The following ABCC9 variants were observed in gnomAD, a reference collection of about 807,000 sequenced individuals.
The protein encoded by ABCC9 is ATP-binding cassette sub-family C member 9.
A neutral mutation model predicts 188.3 loss-of-function variants in ABCC9; 95 were observed. The observed-to-expected ratio is 0.50, with a 90% CI of 0.43 to 0.60. ABCC9 has a LOEUF of 0.60. Ranked by LOEUF, ABCC9 falls within the 20% of genes least tolerant of loss-of-function variation. The pLI, the probability that ABCC9 is intolerant of heterozygous loss-of-function variation, is 0.00. For synonymous variants in ABCC9, 659 were observed against 652.7 expected (o/e 1.01, Z -0.15); for missense variants, 1,102 against 1,876.3 (o/e 0.59, Z 7.62).
intron 34 of ABCC9, 55 bp downstream of exon 34, chr12:21,815,705 AAGC>A: frequency 1.2e-6 from 2 of 1,600,796 alleles, no homozygotes; most frequent in South Asian, 2.2e-5. Flanking sequence ...GGTAGTAAAA[AAGC>A]AGACTCCCTC....
chr12:21,913,743 T>A (rs542161074), intron 7 of ABCC9, among the ~76,000 whole-genome samples: 1 of 152,276 alleles, frequency 6.6e-6, no homozygotes, highest in Admixed American at 6.5e-5. Flanking sequence ...TTGTTGTAAA[T>A]AAAATTTTAA....
intron 15 of ABCC9, among the ~76,000 whole-genome samples, chr12:21,884,185 C>T (rs1417152504): frequency 1.3e-5 from 2 of 151,934 alleles, no homozygotes; most frequent in African/African-American, 2.4e-5. Flanking sequence ...GATCCTCCCA[C>T]CTCAGCCTCC....
At chr12:21,882,151 T>C (rs1042386334) in intron 16 of ABCC9, among the ~76,000 whole-genome samples, 1 of 152,096 alleles carries the variant, frequency 6.6e-6, no homozygotes, top group African/African-American at 2.4e-5. Flanking sequence ...ATGCAGCCAG[T>C]TTGCTAAGTT....
Position 21,911,998 on chromosome 12 carries a change from T to TA in ABCC9, c.1011+873dup, listed in dbSNP as rs1262532150. On this transcript the variant is annotated intron_variant, in intron 8 of 39. Transcript: ENST00000261200. ...AGCTTACAACCTAGGAAGATAAACA[T>TA]ATCTCTAAGTAACAGGCTTCAGTAA... 2.0e-5 allele frequency among the ~76,000 whole-genome samples: 3 copies of TA among 151,968 alleles called. No individual in the cohort carries two copies. In the East Asian group the frequency reaches 5.8e-4, roughly 29 times the overall value.
At chr12:21,844,223 T>G (rs1381033068) in intron 28 of ABCC9, among the ~76,000 whole-genome samples, 1 of 152,148 alleles carries the variant, frequency 6.6e-6, no homozygotes, top group Non-Finnish European at 1.5e-5. Flanking sequence ...AATCAAAAAT[T>G]TTAAATGTTC....
intron 7 of ABCC9, among the ~76,000 whole-genome samples, chr12:21,914,142 A>T (rs934878659): frequency 1.3e-5 from 2 of 152,212 alleles, no homozygotes; most frequent in Non-Finnish European, 2.9e-5. Context: ...GATTATTTTC[A>T]TCATTTACCA....
intron 39 of ABCC9, 98 bp downstream of exon 39, chr12:21,805,900 C>G: frequency 8.9e-7 from 1 of 1,120,350 alleles, no homozygotes; most frequent in African/African-American, 1.5e-5. Context: ...CAGAGAAATA[C>G]ATAATTCAAC....
chr12:21,901,894 A>G (rs1485909724), intron 12 of ABCC9, among the ~76,000 whole-genome samples: 2 of 152,178 alleles, frequency 1.3e-5, no homozygotes, highest in African/African-American at 4.8e-5. Context: ...AGACAGATCA[A>G]CAAGACAGAA....
rs1003519873 is a variant in ABCC9, at chr12:21,860,094, A to AT, written c.2425-429_2425-428insA. On this transcript the variant is annotated intron_variant, in intron 21 of 39. Coordinates refer to ENST00000261200, the MANE Select transcript of ABCC9 (RefSeq NM_020297.4). ...TAATAAAGTACCACTTACACTTTAA[A>AT]AAAAAAACTAGTATTAATTGACCTC... 1.4e-4 allele frequency among the ~76,000 whole-genome samples: 21 copies of AT among 151,958 alleles called. No individual in the cohort carries two copies. The South Asian group carries it at 3.1e-3, about 23-fold the overall frequency.
chr12:21,857,440 CATA>C (rs1945282054), intron 22 of ABCC9, among the ~76,000 whole-genome samples: 1 of 152,010 alleles, frequency 6.6e-6, no homozygotes, highest in South Asian at 2.1e-4. Flanking sequence ...ATCTCAATAC[CATA>C]ATAACTTTCC....
intron 35 of ABCC9, among the ~76,000 whole-genome samples, chr12:21,812,408 A>G (rs541946958): frequency 1.3e-5 from 2 of 152,294 alleles, no homozygotes; most frequent in African/African-American, 4.8e-5. Flanking sequence ...ACTTATGTTT[A>G]TGGCAGCACT....
rs1302570570 is a variant in ABCC9, at chr12:21,861,230, C to A, written c.2340-175G>T. On this transcript the variant is annotated intron_variant, in intron 20 of 39. Transcript: ENST00000261200. ...AGATACATAAGTACTACTTCCCCCC[C>A]CTTTTTTTTTTTTTTTTGAAGACAG... is the stretch of plus-strand genomic sequence containing the variant. 0.55 allele frequency among the ~76,000 whole-genome samples: 79,882 copies of A among 145,952 alleles called. 22,570 individuals carry two copies. Among genetic ancestry groups the A allele is most frequent in the East Asian group, 0.7 (3,444 of 4,954 alleles).
chr12:21,807,832 G>T (rs1941962312), intron 37 of ABCC9, among the ~76,000 whole-genome samples: 1 of 152,154 alleles, frequency 6.6e-6, no homozygotes, highest in Admixed American at 6.6e-5. Context: ...CTTGCCCAAA[G>T]TCACATTTAG....
intron 24 of ABCC9, among the ~76,000 whole-genome samples, 177 bp from the exon 25 acceptor site, chr12:21,848,423 C>T (rs1944795899): frequency 6.6e-6 from 1 of 152,166 alleles, no homozygotes; most frequent in African/African-American, 2.4e-5. Context: ...GAACCTTAGA[C>T]TTGTAGTAAG....
intron 7 of ABCC9, among the ~76,000 whole-genome samples, 192 bp downstream of exon 7, chr12:21,915,472 GTATA>G (rs375465648): frequency 6.8e-5 from 1 of 14,784 alleles, no homozygotes; most frequent in African/African-American, 2.6e-4. Context: ...ATATGTGTGT[GTATA>G]TATGTGTGTG....
intron 28 of ABCC9, among the ~76,000 whole-genome samples, chr12:21,842,816 T>C (rs921304108): frequency 2.0e-5 from 3 of 152,212 alleles, no homozygotes; most frequent in Non-Finnish European, 4.4e-5. Context: ...TTCTTTTTAA[T>C]GGTTGCATAG....
Position 21,800,900 on chromosome 12 carries a change from A to G in ABCC9, c.*144T>C. 1.0e-6 allele frequency: 1 copy of G among 957,016 alleles called. No individual in the cohort carries two copies. The highest frequency in any genetic ancestry group is 1.6e-6 in the Non-Finnish European group (1 of 641,748). 59.3% of individuals were successfully genotyped at this position (957,016 alleles called of 1,614,324 possible). Reference sequence around the variant, plus strand: ...AATAATATCTTGAAAAACTGTTTTAAAAACAGGAAAAATAAATGTCCACTT... The same window carrying G: ...AATAATATCTTGAAAAACTGTTTTAGAAACAGGAAAAATAAATGTCCACTT... On this transcript the variant is annotated 3_prime_UTR_variant, in exon 40 of 40. Transcript: ENST00000261200.
intron 16 of ABCC9, among the ~76,000 whole-genome samples, chr12:21,879,870 T>C (rs1174935050): frequency 1.3e-5 from 2 of 151,990 alleles, no homozygotes; most frequent in African/African-American, 2.4e-5. Context: ...AATCCAGTTA[T>C]AAAGACTTGT....
chr12:21,918,977 A>C (rs1004089120), intron 5 of ABCC9, among the ~76,000 whole-genome samples: 1 of 152,126 alleles, frequency 6.6e-6, no homozygotes, highest in African/African-American at 2.4e-5. Context: ...GAAATCACTA[A>C]AGAGGTCAGA....
Sources: allele counts gnomAD v4.1 joint callset (sites outside exome capture counted in the v4.1 genomes callset), GRCh38; gene constraint gnomAD v4.1.1; transcripts MANE v1.5; gene names NCBI Gene and HGNC (gene_info 2026-07-23, HGNC 2026-07-21).